Variants in ARHGEF6 observed in about 807,000 individuals in gnomAD.
The protein encoded by ARHGEF6 is Rac/Cdc42 guanine nucleotide exchange factor 6.
In ARHGEF6, 9 loss-of-function variants were observed where a neutral mutation model predicts 70.3. The observed-to-expected ratio is 0.13, with a 90% CI of 0.08 to 0.22. The LOEUF (loss-of-function observed/expected upper bound fraction) is 0.22. Ranked by LOEUF, ARHGEF6 falls within the 10% of genes least tolerant of loss-of-function variation. The pLI, the probability that ARHGEF6 is intolerant of heterozygous loss-of-function variation, is 1.00. For synonymous variants in ARHGEF6, 201 were observed against 207.8 expected, an observed-to-expected ratio of 0.97 and a Z score of 0.28; for missense variants, 470 against 563.0, an observed-to-expected ratio of 0.83 and a Z score of 1.67.
chrX:136,703,734 C>T (rs1332363483), intron 9 of ARHGEF6, among the ~76,000 whole-genome samples: 1 of 112,394 alleles, frequency 8.9e-6, no homozygotes, highest in Non-Finnish European at 1.9e-5. Flanking sequence ...GTTGGTCAGG[C>T]TGGTCTCAAA....
intron 2 of ARHGEF6, among the ~76,000 whole-genome samples, chrX:136,762,189 C>T (rs746294077): frequency 8.9e-6 from 1 of 112,148 alleles, no homozygotes; most frequent in South Asian, 3.7e-4. Flanking sequence ...GCTGGGATTA[C>T]AGGCGTATGC....
At chrX:136,722,097 CT>C (rs34485691) in intron 6 of ARHGEF6, among the ~76,000 whole-genome samples, 2 of 110,001 alleles carry the variant, frequency 1.8e-5, no homozygotes, top group Admixed American at 9.6e-5. Flanking sequence ...GGGGAGAGAA[CT>C]TTTTTTTCAA....
At chrX:136,690,832 C>T (rs2076451071) in intron 9 of ARHGEF6, 84 bp from the exon 10 acceptor site, 1 of 1,047,108 alleles carries the variant, frequency 9.6e-7, no homozygotes, top group African/African-American at 1.8e-5. Flanking sequence ...TACTGTATTT[C>T]ACACAATATA....
At chrX:136,733,226 C>T (rs2076953812) in intron 5 of ARHGEF6, among the ~76,000 whole-genome samples, 1 of 110,904 alleles carries the variant, frequency 9.0e-6, no homozygotes, top group Non-Finnish European at 1.9e-5. Context: ...CTCTGCTTCA[C>T]TTTGGTTTAT....
At chrX:136,675,728 G>A (rs1035573164) in intron 18 of ARHGEF6, among the ~76,000 whole-genome samples, 5 of 109,670 alleles carry the variant, frequency 4.6e-5, no homozygotes, top group African/African-American at 1.0e-4. Context: ...CACCATGTTA[G>A]CCAGGATGGT....
At chrX:136,779,972 A>G (rs2148692737) in intron 1 of ARHGEF6, among the ~76,000 whole-genome samples, 1 of 112,405 alleles carries the variant, frequency 8.9e-6, no homozygotes, top group African/African-American at 3.2e-5. Context: ...TTATTTGCTC[A>G]ATAAAAATAC....
chrX:136,742,206 C>G (rs2077050205), intron 5 of ARHGEF6, among the ~76,000 whole-genome samples: 1 of 111,528 alleles, frequency 9.0e-6, no homozygotes, highest in Non-Finnish European at 1.9e-5. Context: ...GTAGTCCCAG[C>G]TGCTGGGGAG....
chrX:136,692,669 C>T (rs2076471298), intron 9 of ARHGEF6, among the ~76,000 whole-genome samples: 1 of 112,046 alleles, frequency 8.9e-6, no homozygotes, highest in African/African-American at 3.3e-5. Context: ...GGTGTTCTCC[C>T]CATTTTACAG....
rs1301607391 is a variant in ARHGEF6, at chrX:136,720,728, G to GAT, written c.733-7360_733-7359dup. 2.7e-5 allele frequency among the ~76,000 whole-genome samples: 3 copies of GAT among 112,045 alleles called. No individual in the cohort carries two copies. In the Admixed American group the frequency reaches 2.8e-4, roughly 11 times the overall value. The stretch of plus-strand genomic sequence containing the variant: ...AGAAATAAAACCGTCTTTATTTGTA[G>GAT]ATGACATGATTGTATATGTAGAAAA... On this transcript the variant is annotated intron_variant, in intron 6 of 21. Coordinates refer to ENST00000250617, the MANE Select transcript of ARHGEF6 (RefSeq NM_004840.3).
chrX:136,682,719 T>C, intron 13 of ARHGEF6, 39 bp downstream of exon 13: 1 of 1,102,403 alleles, frequency 9.1e-7, no homozygotes, highest in Non-Finnish European at 1.3e-6. Flanking sequence ...CTGTTTTCGT[T>C]AGGGGGTCTG....
chrX:136,676,649 C>T lies in ARHGEF6; in HGVS notation c.1920G>A (p.Ser640=), dbSNP rs755538356. 1.2e-5 allele frequency: 15 copies of T among 1,205,739 alleles called. No individual in the cohort carries two copies. The highest frequency in any genetic ancestry group is 6.5e-5 in the Admixed American group (3 of 45,814). ...LHKRKTERKP[S]EEEYVIRKST... The stretch of plus-strand genomic sequence containing the variant: ...TTTTCCTAATCACATATTCCTCCTC[C>T]GATGGTTTTCTCTCAGTCTTCCTTT... Residue 640 remains serine, a synonymous_variant, in exon 18 of 22, where the codon TCG becomes TCA. Coordinates refer to ENST00000250617, the MANE Select transcript of ARHGEF6 (RefSeq NM_004840.3).
At chrX:136,742,320 AAAC>A (rs1265279802) in intron 5 of ARHGEF6, among the ~76,000 whole-genome samples, 1 of 111,511 alleles carries the variant, frequency 9.0e-6, no homozygotes, top group African/African-American at 3.3e-5. Context: ...CTCCGTCTCA[AAAC>A]AACAACAACA....
In ARHGEF6 at chrX:136,690,657, G is replaced by T; in HGVS notation, c.1138C>A (p.Leu380Met). ...TTNLSKPFMR[L>M]EKYVTLLQEL... ...TGCAAGAGAGTAACATATTTCTCCAGTCGCATGAATGGTTTGCTGAGGTTT... is the reference window on the plus strand; with the variant it reads ...TGCAAGAGAGTAACATATTTCTCCATTCGCATGAATGGTTTGCTGAGGTTT... The change falls in exon 10 of 22, where the codon CTG (leucine) becomes ATG (methionine). Residue 380 changes from leucine to methionine, a missense_variant. This residue lies in a region of ARHGEF6 where 379 missense variants were observed against 449.3 expected (regional missense o/e 0.84). Transcript: ENST00000250617. 8.3e-7 allele frequency: 1 copy of T among 1,210,673 alleles called. No homozygotes were observed. The highest frequency in any genetic ancestry group is 2.2e-5 in the Admixed American group (1 of 45,925).
intron 5 of ARHGEF6, among the ~76,000 whole-genome samples, chrX:136,743,346 C>T (rs1344438405): frequency 8.9e-6 from 1 of 112,176 alleles, no homozygotes; most frequent in Non-Finnish European, 1.9e-5. Context: ...GACCAGTTGT[C>T]TGAGCTTTGA....
chrX:136,748,086 C>T (rs988633969), intron 2 of ARHGEF6, among the ~76,000 whole-genome samples: 5 of 111,801 alleles, frequency 4.5e-5, no homozygotes, highest in Admixed American at 1.9e-4. Context: ...TTTCTCTGCT[C>T]TCCTTCCTCC....
intron 2 of ARHGEF6, among the ~76,000 whole-genome samples, chrX:136,777,761 TAC>T (rs376800070): frequency 1.5e-4 from 15 of 98,436 alleles, no homozygotes; most frequent in Middle Eastern, 5.2e-3. Flanking sequence ...TATGTATACA[TAC>T]ACACACACAC....
At chrX:136,690,161 T>C (rs887629270) in intron 10 of ARHGEF6, among the ~76,000 whole-genome samples, 1 of 111,896 alleles carries the variant, frequency 8.9e-6, no homozygotes, top group Non-Finnish European at 1.9e-5. Context: ...ATGGCAGAAT[T>C]CTAGAGATAA....
chrX:136,776,863 A>C (rs1193076901), intron 2 of ARHGEF6, among the ~76,000 whole-genome samples: 1 of 95,030 alleles, frequency 1.1e-5, no homozygotes, highest in African/African-American at 4.1e-5. Flanking sequence ...ACAAATCAGC[A>C]AAAATAAATA....
intron 19 of ARHGEF6, among the ~76,000 whole-genome samples, chrX:136,673,685 CT>C (rs1354034159): frequency 9.0e-6 from 1 of 111,076 alleles, no homozygotes; most frequent in Non-Finnish European, 1.9e-5. Context: ...CTTTCCTCTC[CT>C]GGCTCCTTGA....
Sources: gnomAD v4.1 joint callset for allele counts (sites outside exome capture counted in the v4.1 genomes callset) on GRCh38, gnomAD v4.1.1 for gene constraint, gnomAD v4.1.1 regional missense constraint, MANE v1.5 for transcripts, NCBI Gene and HGNC (gene_info 2026-07-23, HGNC 2026-07-21) for gene names.